RALYL: variants seen among roughly 807,000 people sequenced by gnomAD.
The protein encoded by RALYL is RNA-binding Raly-like protein.
Under a neutral mutation model 35.1 loss-of-function variants are expected in RALYL, and 29 were observed. That is an observed-to-expected ratio of 0.83 (90% CI 0.61 to 1.13). The LOEUF is 1.13. Ranked by LOEUF, RALYL falls within the 50% of genes most tolerant of loss-of-function variation. RALYL has a pLI of 0.00. For missense variants in RALYL, 359 were observed against 360.4 expected, an observed-to-expected ratio of 1.00 and a Z score of 0.03; for synonymous variants, 120 against 127.6, an observed-to-expected ratio of 0.94 and a Z score of 0.40.
intron 1 of RALYL, among the ~76,000 whole-genome samples, chr8:84,220,540 T>C (rs1285294340): frequency 6.6e-6 from 1 of 152,032 alleles, no homozygotes; most frequent in African/African-American, 2.4e-5. Context: ...TTATGGTAAA[T>C]GATAATAAAT....
intron 1 of RALYL, among the ~76,000 whole-genome samples, chr8:84,509,097 G>T (rs1221203020): frequency 6.6e-6 from 1 of 152,096 alleles, no homozygotes; most frequent in Non-Finnish European, 1.5e-5. Flanking sequence ...TTCTATTGGA[G>T]AAAGAGAAAT....
chr8:84,806,881 C>T (rs148684649), intron 4 of RALYL, among the ~76,000 whole-genome samples: 85 of 152,108 alleles, frequency 5.6e-4, no homozygotes, highest in African/African-American at 1.9e-3. Flanking sequence ...GCCGTGGTGC[C>T]GTGCCTCTAG....
intron 2 of RALYL, among the ~76,000 whole-genome samples, chr8:84,573,680 C>A (rs1271327292): frequency 6.6e-6 from 1 of 151,762 alleles, no homozygotes; most frequent in Non-Finnish European, 1.5e-5. Flanking sequence ...TATTTTTAAG[C>A]TGTTTACTGA....
chr8:84,906,234 A>C (rs73261906), intron 8 of RALYL, among the ~76,000 whole-genome samples: 4,789 of 152,194 alleles, frequency 0.031, 269 homozygotes, highest in African/African-American at 0.11. Flanking sequence ...CCAAATACAA[A>C]TATAATTGAT....
chr8:84,873,294 T>C lies in RALYL; in HGVS notation c.582T>C (p.Asp194=). ...SGSTGSKLKS[D]ELQTIKKELT... ...CTTTCTACTTTCCAGTGAAATCAGA[T>C]GAGTTACAGACCATCAAGAAAGAAT... The change falls in exon 7 of 9, where the codon GAT becomes GAC. Residue 194 remains aspartate (D), a synonymous_variant. Transcript: ENST00000521268. 1 of 1,572,878 alleles carries C rather than the reference T, an allele frequency of 6.4e-7. No individual in the cohort carries two copies. Among genetic ancestry groups the C allele is most frequent in the Non-Finnish European group, 8.7e-7 (1 of 1,152,652 alleles).
At chr8:84,754,382 T>C (rs961986662) in intron 2 of RALYL, among the ~76,000 whole-genome samples, 1 of 152,226 alleles carries the variant, frequency 6.6e-6, no homozygotes, top group African/African-American at 2.4e-5. Context: ...AGGAGGAATC[T>C]GTCCTCTATA....
At chr8:84,817,193 CTTGAGGTTTATTTTCT>C (rs1158762586) in intron 4 of RALYL, among the ~76,000 whole-genome samples, 1 of 152,066 alleles carries the variant, frequency 6.6e-6, no homozygotes, top group African/African-American at 2.4e-5. Flanking sequence ...ACCCATTTTC[CTTGAGGTTTATTTTCT>C]CCCTTTTCTT....
At chr8:84,606,102 T>G (rs1817085320) in intron 2 of RALYL, among the ~76,000 whole-genome samples, 1 of 152,102 alleles carries the variant, frequency 6.6e-6, no homozygotes, top group Non-Finnish European at 1.5e-5. Flanking sequence ...CTCTTTTCCA[T>G]TGCTCTGCTA....
At chr8:84,211,701 T>A (rs188455268) in intron 1 of RALYL, among the ~76,000 whole-genome samples, 87 of 151,810 alleles carry the variant, frequency 5.7e-4, no homozygotes, top group Admixed American at 9.2e-4. Context: ...GGAAACTGCC[T>A]TGTTGGCTGA....
chr8:84,298,585 A>G (rs1840199174), intron 1 of RALYL, among the ~76,000 whole-genome samples: 1 of 152,014 alleles, frequency 6.6e-6, no homozygotes, highest in South Asian at 2.1e-4. Flanking sequence ...TTTCTAATTC[A>G]GTGAAAAATG....
At chr8:84,335,222 C>T (rs1180721711) in intron 1 of RALYL, among the ~76,000 whole-genome samples, 1 of 152,142 alleles carries the variant, frequency 6.6e-6, no homozygotes, top group Non-Finnish European at 1.5e-5. Context: ...TTGCAGCAGT[C>T]TCTCTCCTCT....
chr8:84,564,495 C>A (rs2061655620), intron 2 of RALYL, among the ~76,000 whole-genome samples: 1 of 151,672 alleles, frequency 6.6e-6, no homozygotes, highest in Non-Finnish European at 1.5e-5. Context: ...ATATGATAGC[C>A]ATTCAGAATT....
intron 1 of RALYL, among the ~76,000 whole-genome samples, chr8:84,319,921 G>A (rs1468045079): frequency 2.6e-5 from 4 of 151,840 alleles, no homozygotes; most frequent in African/African-American, 9.7e-5. Context: ...TATGTAACTA[G>A]TTCTGTTTTC....
At chr8:84,378,817 T>C (rs1299813997) in intron 1 of RALYL, among the ~76,000 whole-genome samples, 1 of 151,886 alleles carries the variant, frequency 6.6e-6, no homozygotes, top group African/African-American at 2.4e-5. Flanking sequence ...ATCATATGTG[T>C]CACATGATTA....
At chr8:84,441,117 C>A (rs531084163) in intron 1 of RALYL, among the ~76,000 whole-genome samples, 7 of 152,016 alleles carry the variant, frequency 4.6e-5, no homozygotes, top group South Asian at 4.1e-4. Flanking sequence ...ATAAATGATA[C>A]TTTAAAGCAT....
At chr8:84,440,488 T>C (rs1328402444) in intron 1 of RALYL, among the ~76,000 whole-genome samples, 25 of 152,068 alleles carry the variant, frequency 1.6e-4, no homozygotes, top group Non-Finnish European at 1.5e-5. Context: ...TAGAAATCAC[T>C]CAGGAAATGC....
In RALYL at chr8:84,380,915, C is replaced by G. The variant is rs577900700; in HGVS notation, c.-23-148384C>G. Among the ~76,000 whole-genome samples, 5 of 151,814 alleles carry G rather than the reference C, an allele frequency of 3.3e-5. No individual in the cohort carries two copies. In the South Asian group the frequency reaches 1.0e-3, roughly 31 times the overall value. Reference sequence around the variant, plus strand: ...GTAACTGAGAATGAGTGTCTTCCCCCACAGAATCTGAGGTCTGGCAGCTCA... The same window carrying G: ...GTAACTGAGAATGAGTGTCTTCCCCGACAGAATCTGAGGTCTGGCAGCTCA... On this transcript the variant is annotated intron_variant, in intron 1 of 8. Transcript: ENST00000521268.
At chr8:84,690,820 A>G (rs888226212) in intron 2 of RALYL, among the ~76,000 whole-genome samples, 13 of 152,084 alleles carry the variant, frequency 8.5e-5, no homozygotes, top group Non-Finnish European at 1.5e-4. Flanking sequence ...AAGAAAGTGG[A>G]TGATAAATTC....
chr8:84,648,120 A>G (rs986089560), intron 2 of RALYL, among the ~76,000 whole-genome samples: 3 of 151,104 alleles, frequency 2.0e-5, no homozygotes, highest in East Asian at 1.9e-4. Flanking sequence ...ACATGCGTGC[A>G]CACACACACA....
Sources: allele counts gnomAD v4.1 joint callset (sites outside exome capture counted in the v4.1 genomes callset), GRCh38; gene constraint gnomAD v4.1.1; transcripts MANE v1.5; gene names NCBI Gene and HGNC (gene_info 2026-07-23, HGNC 2026-07-21).